Variants in EP300 observed in about 807,000 individuals in gnomAD.
EP300 encodes the protein histone acetyltransferase p300.
A neutral mutation model predicts 264.0 loss-of-function variants in EP300; 31 were observed. The ratio of observed to expected loss-of-function variants is 0.12; its 90% CI spans 0.09 to 0.16. EP300 has a LOEUF of 0.16. Among genes scored for constraint, EP300 ranks in the 10% least tolerant of loss-of-function variants. The pLI is 1.00. For synonymous variants in EP300, 1,340 were observed against 1,045.4 expected, an observed-to-expected ratio of 1.28 and a Z score of -5.44; for missense variants, 2,766 against 3,052.9, an observed-to-expected ratio of 0.91 and a Z score of 2.21.
At chr22:41,119,257 A>G (rs1329653226) in intron 2 of EP300, among the ~76,000 whole-genome samples, 1 of 145,908 alleles carries the variant, frequency 6.9e-6, no homozygotes, top group African/African-American at 2.6e-5. Flanking sequence ...TCTTGGGCTC[A>G]AGTGATCCTC....
rs751920048 is a variant in EP300, at chr22:41,180,062, CTG to C, written c.*1111_*1112del. The C allele has an allele frequency of 1.0e-4, 23 of 229,832 alleles. No individual in the cohort carries two copies. Among genetic ancestry groups the C allele is most frequent in the South Asian group, 3.6e-4 (2 of 5,500 alleles). The allele number at this position is 229,832 out of a possible 1,614,324, so 14.2% of individuals were successfully genotyped here. ...TTCTTATTACCTATTGTTAAATAAA[CTG>C]TGTGAGACAGACACCCTGACTTTGT... On this transcript the variant is annotated 3_prime_UTR_variant, in exon 31 of 31. Transcript: ENST00000263253.
Position 41,117,819 on chromosome 22 carries a change from A to G in EP300, c.727A>G (p.Lys243Glu), listed in dbSNP as rs892155080. The part of the protein sequence containing the change: ...QTGLRGPQPL[K>E]MGMMNNPNPY... ...AGGATTGAGAGGCCCCCAGCCTCTT[A>G]AGGTAAGTACAGTTTTGGTTTGTGT... The change falls in exon 2 of 31, where the codon AAG becomes GAG. Residue 243 changes from lysine (K) to glutamate (E), a missense_variant and splice_region_variant. Coordinates refer to ENST00000263253, the MANE Select transcript of EP300 (RefSeq NM_001429.4). 6.2e-7 allele frequency: 1 copy of G among 1,613,788 alleles called. No homozygotes were observed. The highest frequency in any genetic ancestry group is 1.3e-5 in the African/African-American group (1 of 74,936).
At chr22:41,100,484 T>C (rs148435342) in intron 1 of EP300, among the ~76,000 whole-genome samples, 1 of 152,184 alleles carries the variant, frequency 6.6e-6, no homozygotes, top group Non-Finnish European at 1.5e-5. Context: ...GGAAAAATAC[T>C]GTACAGTTAG....
chr22:41,119,952 C>T (rs888203579), intron 2 of EP300, among the ~76,000 whole-genome samples: 1 of 151,980 alleles, frequency 6.6e-6, no homozygotes, highest in African/African-American at 2.4e-5. Context: ...TAGCTGGGAC[C>T]ACAGGCATGC....
intron 20 of EP300, 69 bp from the exon 21 acceptor site, chr22:41,162,654 T>G: frequency 7.9e-7 from 1 of 1,260,020 alleles, no homozygotes; most frequent in South Asian, 1.2e-5. Flanking sequence ...TTTGTTCCTT[T>G]GGTTAGAACA....
chr22:41,178,950 A>G lies in EP300; in HGVS notation c.7239A>G (p.Ile2413Met), dbSNP rs977854682. ...NSNLSQSTLD[I>M]H Reference sequence around the variant, plus strand: ...ACCTCTCACAGAGTACACTAGACATACACTAGAGACACCTTGTAGTATTTT... The same window carrying G: ...ACCTCTCACAGAGTACACTAGACATGCACTAGAGACACCTTGTAGTATTTT... Residue 2413 changes from isoleucine (I) to methionine (M), a missense_variant, in exon 31 of 31, where the codon ATA becomes ATG. By Grantham distance (10) the Ile-to-Met change is conservative. Transcript: ENST00000263253. 1 of 1,610,768 alleles carries G rather than the reference A, an allele frequency of 6.2e-7. No individual in the cohort carries two copies. Among genetic ancestry groups the G allele is most frequent in the Non-Finnish European group, 8.5e-7 (1 of 1,178,960 alleles).
intron 7 of EP300, among the ~76,000 whole-genome samples, chr22:41,136,401 A>G (rs2058950699): frequency 6.6e-6 from 1 of 152,236 alleles, no homozygotes; most frequent in African/African-American, 2.4e-5. Context: ...CTAATACAGT[A>G]GGATGTTGCA....
At chr22:41,113,587 C>T (rs1231680543) in intron 1 of EP300, among the ~76,000 whole-genome samples, 1 of 152,190 alleles carries the variant, frequency 6.6e-6, no homozygotes, top group African/African-American at 2.4e-5. Flanking sequence ...CGCTCTGTCG[C>T]CCAGGCTGGA....
chr22:41,162,695 T>C (rs1490862565), intron 20 of EP300, 28 bp from the exon 21 acceptor site: 1 of 1,580,102 alleles, frequency 6.3e-7, no homozygotes. Context: ...TATCACTTTT[T>C]CTCATTGTGT....
intron 1 of EP300, among the ~76,000 whole-genome samples, chr22:41,109,869 A>G (rs950327388): frequency 2.0e-5 from 3 of 149,896 alleles, no homozygotes; most frequent in African/African-American, 4.9e-5. Context: ...GCTGGAGTGC[A>G]ATGGCGTGAT....
rs2145726399 is a variant in EP300, at chr22:41,141,191, C to G, written c.2022C>G (p.Asn674Lys). 6.2e-7 allele frequency: 1 copy of G among 1,614,174 alleles called. No homozygotes were observed. Among genetic ancestry groups the G allele is most frequent in the Non-Finnish European group, 8.5e-7 (1 of 1,180,036 alleles). ...CAGTTTCCATGAATCCAGGGCCTAACATGGGACAGCCGCAACCAGGAATGA... is the reference window on the plus strand; with the variant it reads ...CAGTTTCCATGAATCCAGGGCCTAAGATGGGACAGCCGCAACCAGGAATGA... ...MVPVSMNPGP[N>K]MGQPQPGMTS... The change falls in exon 10 of 31, where the codon AAC becomes AAG. Residue 674 changes from asparagine (N) to lysine (K), a missense_variant. Coordinates refer to ENST00000263253, the MANE Select transcript of EP300 (RefSeq NM_001429.4).
In EP300 at chr22:41,135,824, A is replaced by ATGGGAGTAAATGGAGGTG. The variant is rs1569100532; in HGVS notation, c.1542_1559dup (p.Asn517_Val522dup). ...TCATTTTGACTTAGGTGCTAGTCCT[A>ATGGGAGTAAATGGAGGTG]TGGGAGTAAATGGAGGTGTAGGAGT... On this transcript the variant is annotated inframe_insertion, in exon 7 of 31. Coordinates refer to ENST00000263253, the MANE Select transcript of EP300 (RefSeq NM_001429.4). The ATGGGAGTAAATGGAGGTG allele has an allele frequency of 6.2e-7, 1 of 1,613,100 alleles. No homozygotes were observed. Among genetic ancestry groups the ATGGGAGTAAATGGAGGTG allele is most frequent in the Non-Finnish European group, 8.5e-7 (1 of 1,179,168 alleles).
intron 23 of EP300, among the ~76,000 whole-genome samples, chr22:41,167,537 A>C (rs2059141217): frequency 7.0e-6 from 1 of 143,644 alleles, no homozygotes; most frequent in African/African-American, 2.6e-5. Context: ...CAAAGTACAT[A>C]GAGATGTTCA....
chr22:41,104,541 C>T (rs2058748053), intron 1 of EP300, among the ~76,000 whole-genome samples: 2 of 152,034 alleles, frequency 1.3e-5, no homozygotes, highest in South Asian at 2.1e-4. Flanking sequence ...CCGCCCGCCT[C>T]GGCCTCCCAA....
intron 22 of EP300, 73 bp from the exon 23 acceptor site, chr22:41,166,526 A>G (rs759673282): frequency 8.8e-6 from 11 of 1,252,114 alleles, no homozygotes; most frequent in Non-Finnish European, 1.3e-5. Context: ...TGTCTTTTGA[A>G]TTTTAACTTT....
chr22:41,096,811 A>G (rs910474951), intron 1 of EP300, among the ~76,000 whole-genome samples: 2 of 151,610 alleles, frequency 1.3e-5, no homozygotes, highest in Admixed American at 6.6e-5. Flanking sequence ...TGGAGACAGT[A>G]TTTCACCATT....
chr22:41,154,909 T>C lies in EP300; in HGVS notation c.3143-86T>C. Reference sequence around the variant, plus strand: ...TTAATTTTGTTATTGATTCTTGAGATGCTTTTAGAGCTTCAGGCTGAATGA... The same window carrying C: ...TTAATTTTGTTATTGATTCTTGAGACGCTTTTAGAGCTTCAGGCTGAATGA... On this transcript the variant is annotated intron_variant, in intron 16 of 30. Transcript: ENST00000263253. 3.3e-6 allele frequency: 3 copies of C among 902,528 alleles called. No individual in the cohort carries two copies. The East Asian group carries it at 7.2e-5, about 22-fold the overall frequency. The allele number at this position is 902,528 out of a possible 1,614,324, so 55.9% of individuals were successfully genotyped here.
chr22:41,174,542 AGTT>A (rs1354085396), intron 29 of EP300: 1 of 152,068 alleles, frequency 6.6e-6, no homozygotes. Context: ...TACATTGTTT[AGTT>A]GTTCTTGCAG....
chr22:41,137,666 G>A lies in EP300; in HGVS notation c.1636G>A (p.Glu546Lys), dbSNP rs1408462801. Residue 546 changes from glutamate to lysine, a missense_variant, in exon 8 of 31, where the codon GAA (glutamate) becomes AAA (lysine). Physicochemically the swap from Glu to Lys is moderately conservative, Grantham distance 56. Coordinates refer to ENST00000263253, the MANE Select transcript of EP300 (RefSeq NM_001429.4). The part of the protein sequence containing the change: ...AINSQNPMMS[E>K]NASVPSLGPM... Reference sequence around the variant, plus strand: ...CCCTTTTTGAAGCCCAATGATGAGTGAAAATGCCAGTGTGCCCTCCCTGGG... The same window carrying A: ...CCCTTTTTGAAGCCCAATGATGAGTAAAAATGCCAGTGTGCCCTCCCTGGG... The A allele has an allele frequency of 4.3e-6, 7 of 1,614,174 alleles. No individual in the cohort carries two copies. Among genetic ancestry groups the A allele is most frequent in the Non-Finnish European group, 3.4e-6 (4 of 1,180,036 alleles).
Sources: allele counts gnomAD v4.1 joint callset (sites outside exome capture counted in the v4.1 genomes callset), GRCh38; gene constraint gnomAD v4.1.1; transcripts MANE v1.5; gene names NCBI Gene and HGNC (gene_info 2026-07-23, HGNC 2026-07-21).